ZMAT4: variants seen among roughly 807,000 people sequenced by gnomAD.
The protein encoded by ZMAT4 is zinc finger matrin-type 4.
Under a neutral mutation model 28.7 loss-of-function variants are expected in ZMAT4, and 17 were observed. The observed-to-expected ratio is 0.59, with a 90% CI of 0.41 to 0.89. The LOEUF (loss-of-function observed/expected upper bound fraction) is 0.89. Among genes scored for constraint, ZMAT4 ranks in the 40% least tolerant of loss-of-function variants. The probability of loss-of-function intolerance (pLI) is 0.00; values close to 1 mark genes in which losing one functional copy is unlikely to be tolerated. For synonymous variants in ZMAT4, 117 were observed against 109.2 expected, an observed-to-expected ratio of 1.07 and a Z score of -0.44; for missense variants, 240 against 283.8, an observed-to-expected ratio of 0.85 and a Z score of 1.11.
intron 5 of ZMAT4, among the ~76,000 whole-genome samples, chr8:40,644,128 A>C (rs560176135): frequency 5.9e-5 from 9 of 152,298 alleles, no homozygotes; most frequent in African/African-American, 2.2e-4. Flanking sequence ...CTAAGCTTAT[A>C]GTAGAGAAAT....
chr8:40,723,542 C>CAA (rs58513087), intron 3 of ZMAT4, among the ~76,000 whole-genome samples: 9,290 of 66,090 alleles, frequency 0.14, 1,685 homozygotes, highest in East Asian at 0.39. Context: ...GATTCCATCT[C>CAA]AAAAAAAAAA....
At chr8:40,709,430 A>C (rs1810509369) in intron 3 of ZMAT4, among the ~76,000 whole-genome samples, 1 of 152,202 alleles carries the variant, frequency 6.6e-6, no homozygotes, top group South Asian at 2.1e-4. Context: ...ACTAAACCGT[A>C]TAGAAAGATA....
In ZMAT4 at chr8:40,612,006, G is replaced by A. The variant is rs144727576; in HGVS notation, c.578-30745C>T. On this transcript the variant is annotated intron_variant, in intron 5 of 6. Coordinates refer to ENST00000297737, the MANE Select transcript of ZMAT4 (RefSeq NM_024645.3). ...GGCTGGAGTAGTCCAGCACATGGGA[G>A]GAGCATGGGCATTGGGATGGGACAA... is the stretch of plus-strand genomic sequence containing the variant. 1.5e-3 allele frequency among the ~76,000 whole-genome samples: 235 copies of A among 152,284 alleles called. 1 individual carries two copies. Among genetic ancestry groups the A allele is most frequent in the African/African-American group, 5.2e-3 (217 of 41,562 alleles).
intron 6 of ZMAT4, among the ~76,000 whole-genome samples, chr8:40,578,321 AACTC>A (rs978244785): frequency 2.6e-5 from 4 of 152,108 alleles, no homozygotes; most frequent in South Asian, 4.1e-4. Context: ...AAAATCATGA[AACTC>A]AATCTCTCCC....
chr8:40,897,473 G>GGA (rs1274697823), intron 1 of ZMAT4, among the ~76,000 whole-genome samples: 2 of 152,160 alleles, frequency 1.3e-5, no homozygotes, highest in Non-Finnish European at 2.9e-5. Context: ...CAGCTAATTA[G>GGA]GAGTAGTAAA....
intron 1 of ZMAT4, among the ~76,000 whole-genome samples, chr8:40,830,516 C>CT (rs1407124800): frequency 1.3e-5 from 2 of 152,136 alleles, no homozygotes; most frequent in African/African-American, 4.8e-5. Flanking sequence ...CTATTTCATT[C>CT]TTTTTGTGGT....
At chr8:40,746,876 A>G (rs1812259084) in intron 3 of ZMAT4, among the ~76,000 whole-genome samples, 1 of 152,052 alleles carries the variant, frequency 6.6e-6, no homozygotes, top group Non-Finnish European at 1.5e-5. Context: ...TCTTCCTGGA[A>G]TGCTCTTCCT....
intron 5 of ZMAT4, among the ~76,000 whole-genome samples, chr8:40,634,236 C>T (rs1482840011): frequency 6.6e-6 from 1 of 152,190 alleles, no homozygotes; most frequent in Non-Finnish European, 1.5e-5. Context: ...ACATCAGACA[C>T]AACGGAGCTT....
At chr8:40,862,960 A>G (rs1817557626) in intron 1 of ZMAT4, among the ~76,000 whole-genome samples, 1 of 152,132 alleles carries the variant, frequency 6.6e-6, no homozygotes, top group African/African-American at 2.4e-5. Context: ...CCTAGAACTT[A>G]AAATATAATT....
At chr8:40,841,775 A>C (rs1816709125) in intron 1 of ZMAT4, among the ~76,000 whole-genome samples, 1 of 152,202 alleles carries the variant, frequency 6.6e-6, no homozygotes, top group Admixed American at 6.5e-5. Flanking sequence ...GGAGTAATAA[A>C]AGTAAAATGC....
intron 1 of ZMAT4, 52 bp from the exon 2 acceptor site, chr8:40,825,732 T>A: frequency 7.1e-7 from 1 of 1,412,222 alleles, no homozygotes; most frequent in East Asian, 2.5e-5. Context: ...TTGATGTTTA[T>A]GCAAGATATT....
chr8:40,750,338 A>G (rs1812406118), intron 3 of ZMAT4, among the ~76,000 whole-genome samples: 1 of 152,190 alleles, frequency 6.6e-6, no homozygotes, highest in South Asian at 2.1e-4. Flanking sequence ...CCCAGAGGTT[A>G]CTAAAGAGAA....
intron 6 of ZMAT4, among the ~76,000 whole-genome samples, chr8:40,540,726 T>G (rs1024583221): frequency 6.6e-6 from 1 of 152,204 alleles, no homozygotes; most frequent in Admixed American, 6.5e-5. Context: ...CTTGCTGAAG[T>G]CTGTGCCCTT....
intron 1 of ZMAT4, among the ~76,000 whole-genome samples, chr8:40,856,246 T>TA (rs1168686037): frequency 6.6e-6 from 1 of 152,190 alleles, no homozygotes; most frequent in African/African-American, 2.4e-5. Flanking sequence ...CAAAGGAATT[T>TA]AGAGATACTA....
At chr8:40,795,540 T>G (rs954064893) in intron 2 of ZMAT4, among the ~76,000 whole-genome samples, 7 of 152,194 alleles carry the variant, frequency 4.6e-5, no homozygotes, top group Non-Finnish European at 1.0e-4. Flanking sequence ...GTATGACACC[T>G]GCTTCCTCCC....
At chr8:40,761,510 CCAGCTTCCATCA>C (rs1812936527) in intron 3 of ZMAT4, among the ~76,000 whole-genome samples, 1 of 152,110 alleles carries the variant, frequency 6.6e-6, no homozygotes, top group African/African-American at 2.4e-5. Context: ...GTTAAGCACT[CCAGCTTCCATCA>C]AAAAATCACT....
rs146872713 is a variant in ZMAT4, at chr8:40,748,235, C to T, written c.192+19406G>A. 3.3e-3 allele frequency among the ~76,000 whole-genome samples: 502 copies of T among 152,228 alleles called. 1 individual carries two copies. Among genetic ancestry groups the T allele is most frequent in the Middle Eastern group, 0.017 (5 of 294 alleles). On this transcript the variant is annotated intron_variant, in intron 3 of 6. Transcript: ENST00000297737. ...AGACAAAACTAATAGATGAATTATA[C>T]GTGATTACAAAACTATTTTGCTATA... is the stretch of plus-strand genomic sequence containing the variant.
intron 3 of ZMAT4, among the ~76,000 whole-genome samples, chr8:40,706,039 T>C (rs1014981415): frequency 2.0e-5 from 3 of 152,088 alleles, no homozygotes; most frequent in African/African-American, 7.2e-5. Context: ...TATTTACTTA[T>C]TTATTTATTT....
At chr8:40,610,033 G>T (rs1431300134) in intron 5 of ZMAT4, among the ~76,000 whole-genome samples, 1 of 152,130 alleles carries the variant, frequency 6.6e-6, no homozygotes, top group African/African-American at 2.4e-5. Flanking sequence ...TAAATGTCCT[G>T]CAATTGTAAC....
Sources: gnomAD v4.1 joint callset for allele counts (sites outside exome capture counted in the v4.1 genomes callset) on GRCh38, gnomAD v4.1.1 for gene constraint, MANE v1.5 for transcripts, NCBI Gene and HGNC (gene_info 2026-07-23, HGNC 2026-07-21) for gene names.